Variants in RAD51B observed in about 807,000 individuals in gnomAD.
The protein encoded by RAD51B is DNA repair protein RAD51 homolog 2.
Under a neutral mutation model 42.2 loss-of-function variants are expected in RAD51B, and 38 were observed. The observed-to-expected ratio is 0.90, with a 90% CI of 0.70 to 1.18. The LOEUF (loss-of-function observed/expected upper bound fraction) is 1.18. Among genes scored for constraint, RAD51B ranks in the 50% most tolerant of loss-of-function variants. RAD51B has a pLI of 0.00. For missense variants in RAD51B, 373 were observed against 400.7 expected, an observed-to-expected ratio of 0.93 and a Z score of 0.59; for synonymous variants, 154 against 145.2, an observed-to-expected ratio of 1.06 and a Z score of -0.43.
intron 7 of RAD51B, among the ~76,000 whole-genome samples, chr14:67,897,442 A>G (rs7150903): frequency 0.33 from 49,769 of 152,050 alleles, 8,716 homozygotes; most frequent in Middle Eastern, 0.46. Flanking sequence ...CAATTAAAAA[A>G]TGGGCAAAAG....
At chr14:68,457,701 C>T (rs1355719242) in intron 9 of RAD51B, among the ~76,000 whole-genome samples, 9 of 151,592 alleles carry the variant, frequency 5.9e-5, no homozygotes, top group Middle Eastern at 3.4e-3. Flanking sequence ...TGGGTTCAAG[C>T]GATTCTCCTG....
chr14:68,670,349 G>A (rs939252671), intron 11 of RAD51B, among the ~76,000 whole-genome samples: 5 of 152,164 alleles, frequency 3.3e-5, no homozygotes, highest in African/African-American at 1.2e-4. Context: ...TCAGGGAAGA[G>A]TGGCAAGTGC....
intron 3 of RAD51B, among the ~76,000 whole-genome samples, chr14:67,831,735 G>T (rs1252035979): frequency 1.3e-5 from 2 of 151,878 alleles, no homozygotes; most frequent in Non-Finnish European, 1.5e-5. Context: ...GTAGAGATGG[G>T]GTTTCTCCAT....
At chr14:68,402,099 C>T (rs1003620294) in intron 8 of RAD51B, among the ~76,000 whole-genome samples, 18 of 152,200 alleles carry the variant, frequency 1.2e-4, no homozygotes, top group African/African-American at 4.1e-4. Flanking sequence ...CACAAGCCCT[C>T]AAGGAAATTA....
At chr14:67,823,715 T>C in intron 2 of RAD51B, 88 bp downstream of exon 2, 3 of 959,496 alleles carry the variant, frequency 3.1e-6, no homozygotes, top group Non-Finnish European at 4.6e-6. Flanking sequence ...AATATGAAAA[T>C]GTAGGCTTAC....
At chr14:68,281,080 G>A (rs986091035) in intron 7 of RAD51B, among the ~76,000 whole-genome samples, 2 of 151,612 alleles carry the variant, frequency 1.3e-5, no homozygotes, top group Admixed American at 1.3e-4. Context: ...AAAAAAAATA[G>A]AAGAAAAAGA....
intron 7 of RAD51B, among the ~76,000 whole-genome samples, chr14:68,227,667 T>G (rs1329049585): frequency 6.6e-6 from 1 of 152,176 alleles, no homozygotes; most frequent in Admixed American, 6.5e-5. Context: ...TTTTAAATTG[T>G]GCTTTTTTCT....
chr14:67,856,963 TGA>T (rs2042015879), intron 4 of RAD51B, among the ~76,000 whole-genome samples: 1 of 152,160 alleles, frequency 6.6e-6, no homozygotes, highest in African/African-American at 2.4e-5. Context: ...GTATTCAGTC[TGA>T]GTTTACAAGA....
intron 11 of RAD51B, among the ~76,000 whole-genome samples, chr14:68,661,366 C>T (rs556778278): frequency 5.9e-5 from 9 of 152,120 alleles, no homozygotes; most frequent in African/African-American, 1.7e-4. Context: ...TGTTGCTGCA[C>T]GCGCTGGAAT....
chr14:68,325,598 G>T (rs1177364926), intron 8 of RAD51B, among the ~76,000 whole-genome samples: 3 of 147,758 alleles, frequency 2.0e-5, no homozygotes, highest in African/African-American at 7.5e-5. Context: ...AAAAAGAGTT[G>T]TTCCATTTCC....
chr14:68,308,704 T>TAAAAAAA (rs67048671), intron 8 of RAD51B, among the ~76,000 whole-genome samples: 1 of 104,312 alleles, frequency 9.6e-6, no homozygotes, highest in African/African-American at 3.8e-5. Flanking sequence ...TCTGTGTCAT[T>TAAAAAAA]AAAAAAAAAA....
intron 7 of RAD51B, among the ~76,000 whole-genome samples, chr14:67,960,922 G>T (rs1291976010): frequency 1.6e-4 from 24 of 152,188 alleles, no homozygotes; most frequent in Non-Finnish European, 1.3e-4. Context: ...TCCCTTCTTG[G>T]TTCCCCCAAA....
chr14:68,120,739 C>G (rs1369355842), intron 7 of RAD51B, among the ~76,000 whole-genome samples: 1 of 151,970 alleles, frequency 6.6e-6, no homozygotes, highest in Non-Finnish European at 1.5e-5. Flanking sequence ...CTGCTTGGGC[C>G]CGGGCTCTGT....
intron 9 of RAD51B, among the ~76,000 whole-genome samples, chr14:68,457,069 C>T (rs1213510763): frequency 6.6e-6 from 1 of 151,560 alleles, no homozygotes; most frequent in African/African-American, 2.4e-5. Context: ...TGCACCACCA[C>T]ACCCAACTAA....
chr14:68,338,711 A>C, intron 8 of RAD51B: 1 of 297,238 alleles, frequency 3.4e-6, no homozygotes, highest in Non-Finnish European at 6.6e-6. Context: ...ATGGACAGAA[A>C]ACTCAACAGT....
chr14:67,892,252 A>C (rs1484304768), intron 7 of RAD51B, among the ~76,000 whole-genome samples: 1 of 152,166 alleles, frequency 6.6e-6, no homozygotes, highest in Non-Finnish European at 1.5e-5. Context: ...GTCTAGACTA[A>C]ACCTTTATCA....
chr14:68,214,366 C>T (rs150136990), intron 7 of RAD51B, among the ~76,000 whole-genome samples: 209 of 152,258 alleles, frequency 1.4e-3, no homozygotes, highest in African/African-American at 4.8e-3. Flanking sequence ...CCAACTTTAA[C>T]TTCAGTGGGG....
intron 11 of RAD51B, among the ~76,000 whole-genome samples, chr14:68,672,037 G>A (rs369168674): frequency 6.6e-6 from 1 of 152,164 alleles, no homozygotes; most frequent in South Asian, 2.1e-4. Flanking sequence ...CAAAGCCAGA[G>A]AAGCTAAACA....
chr14:68,219,534 G>T (rs1431860715), intron 7 of RAD51B, among the ~76,000 whole-genome samples: 1 of 151,986 alleles, frequency 6.6e-6, no homozygotes, highest in Non-Finnish European at 1.5e-5. Flanking sequence ...GCAGACACTC[G>T]CCAGTACCAA....
Sources: allele counts gnomAD v4.1 joint callset (sites outside exome capture counted in the v4.1 genomes callset), GRCh38; gene constraint gnomAD v4.1.1; transcripts MANE v1.5; gene names NCBI Gene and HGNC (gene_info 2026-07-23, HGNC 2026-07-21).